Variants in CNTN5 observed in about 807,000 individuals in gnomAD.
CNTN5 encodes contactin-5.
Under a neutral mutation model 129.1 loss-of-function variants are expected in CNTN5, and 77 were observed. The ratio of observed to expected loss-of-function variants is 0.60; its 90% CI spans 0.50 to 0.72. The LOEUF is 0.72. CNTN5 is among the 30% of genes least tolerant of loss of function. The pLI, the probability that CNTN5 is intolerant of heterozygous loss-of-function variation, is 0.00. For missense variants in CNTN5, 1,478 were observed against 1,328.8 expected, an observed-to-expected ratio of 1.11 and a Z score of -1.75; for synonymous variants, 509 against 465.6, an observed-to-expected ratio of 1.09 and a Z score of -1.20.
intron 1 of CNTN5, among the ~76,000 whole-genome samples, chr11:99,146,836 C>T (rs1437990807): frequency 6.6e-6 from 1 of 152,016 alleles, no homozygotes; most frequent in East Asian, 1.9e-4. Context: ...ATCCTCCCAC[C>T]TCAGCCTCCC....
At chr11:99,120,342 A>G (rs1223961373) in intron 1 of CNTN5, 1 of 152,172 alleles carries the variant, frequency 6.6e-6, no homozygotes, top group Non-Finnish European at 1.5e-5. Flanking sequence ...GAGAACAGCC[A>G]TCCTTGATAG....
chr11:99,358,376 G>A (rs1247927419), intron 2 of CNTN5, among the ~76,000 whole-genome samples: 6 of 130,482 alleles, frequency 4.6e-5, no homozygotes, highest in Non-Finnish European at 8.2e-5. Flanking sequence ...TAGCAGCCGG[G>A]CGCGGTGGCC....
intron 1 of CNTN5, among the ~76,000 whole-genome samples, chr11:99,272,305 T>TC (rs1328635131): frequency 6.6e-6 from 1 of 151,794 alleles, no homozygotes; most frequent in African/African-American, 2.4e-5. Context: ...AGTCTTTTTT[T>TC]TTTTTAACTG....
chr11:99,880,841 C>T (rs560729420), intron 6 of CNTN5, among the ~76,000 whole-genome samples: 6 of 152,076 alleles, frequency 3.9e-5, no homozygotes, highest in Non-Finnish European at 7.4e-5. Flanking sequence ...TAAAAACTCA[C>T]CTCTACCACT....
intron 13 of CNTN5, among the ~76,000 whole-genome samples, chr11:100,100,326 T>C (rs1030226786): frequency 1.3e-5 from 2 of 152,110 alleles, no homozygotes; most frequent in African/African-American, 4.8e-5. Flanking sequence ...CTCAGTGCAC[T>C]TCATGATTCA....
chr11:99,932,703 G>A (rs1424271518), intron 7 of CNTN5, among the ~76,000 whole-genome samples: 1 of 152,028 alleles, frequency 6.6e-6, no homozygotes, highest in Admixed American at 6.6e-5. Context: ...TATATGTAAA[G>A]TATTTTACCC....
intron 23 of CNTN5, among the ~76,000 whole-genome samples, chr11:100,342,008 T>C (rs957252671): frequency 1.3e-5 from 2 of 151,996 alleles, no homozygotes; most frequent in African/African-American, 4.8e-5. Context: ...CTATCAGAGA[T>C]GGTAACACAG....
intron 3 of CNTN5, among the ~76,000 whole-genome samples, chr11:99,656,024 AGGTATGTG>A (rs1565395177): frequency 3.3e-5 from 5 of 150,650 alleles, no homozygotes; most frequent in Non-Finnish European, 7.4e-5. Flanking sequence ...CTCTGAATAC[AGGTATGTG>A]TGTATGTGTG....
intron 3 of CNTN5, among the ~76,000 whole-genome samples, chr11:99,558,805 C>T (rs1357755849): frequency 1.3e-5 from 2 of 152,008 alleles, no homozygotes; most frequent in East Asian, 3.8e-4. Context: ...AAGTTGAAAA[C>T]AAAGGTCATG....
intron 3 of CNTN5, among the ~76,000 whole-genome samples, chr11:99,660,377 G>C (rs1952551656): frequency 6.6e-6 from 1 of 152,112 alleles, no homozygotes; most frequent in Non-Finnish European, 1.5e-5. Flanking sequence ...GAAAGTTTTA[G>C]GGTTGATGAA....
chr11:99,380,179 C>A (rs1423803223), intron 2 of CNTN5, among the ~76,000 whole-genome samples: 3 of 151,610 alleles, frequency 2.0e-5, no homozygotes, highest in Admixed American at 6.6e-5. Context: ...GGCCAAGTAA[C>A]CATTTGAAGA....
chr11:99,607,399 A>G (rs1950455889), intron 3 of CNTN5, among the ~76,000 whole-genome samples: 1 of 148,346 alleles, frequency 6.7e-6, no homozygotes, highest in South Asian at 2.2e-4. Context: ...CCACTGTGAG[A>G]TATCATCTCA....
At chr11:99,249,735 C>T (rs1312028191) in intron 1 of CNTN5, among the ~76,000 whole-genome samples, 4 of 151,710 alleles carry the variant, frequency 2.6e-5, no homozygotes, top group Admixed American at 2.0e-4. Context: ...GAGATTTAAA[C>T]CTCAGTGGAA....
intron 3 of CNTN5, among the ~76,000 whole-genome samples, chr11:99,654,919 C>G (rs1481346874): frequency 6.6e-6 from 1 of 151,862 alleles, no homozygotes; most frequent in Non-Finnish European, 1.5e-5. Context: ...TCTTAGTGTC[C>G]CTGAATGAGG....
At chr11:99,081,075 T>C (rs1346584631) in intron 1 of CNTN5, among the ~76,000 whole-genome samples, 2 of 150,322 alleles carry the variant, frequency 1.3e-5, no homozygotes, top group Middle Eastern at 3.5e-3. Context: ...TCCAAATGCA[T>C]ATGCAGCCCC....
intron 21 of CNTN5, among the ~76,000 whole-genome samples, chr11:100,329,418 A>C (rs776788080): frequency 4.7e-4 from 72 of 152,320 alleles, no homozygotes; most frequent in South Asian, 1.7e-3. Context: ...GAGAAACCTG[A>C]ATACTTAAAC....
intron 3 of CNTN5, among the ~76,000 whole-genome samples, chr11:99,772,505 T>C (rs1456584945): frequency 6.6e-6 from 1 of 152,064 alleles, no homozygotes; most frequent in Non-Finnish European, 1.5e-5. Context: ...TTGATTCACT[T>C]GATGTGGCTG....
At chr11:99,968,903 T>C (rs1453612206) in intron 8 of CNTN5, among the ~76,000 whole-genome samples, 4 of 151,950 alleles carry the variant, frequency 2.6e-5, no homozygotes, top group Admixed American at 1.3e-4. Context: ...TGCAGGAATA[T>C]AGAAAATTTG....
intron 2 of CNTN5, among the ~76,000 whole-genome samples, chr11:99,367,997 G>A (rs1163997268): frequency 2.6e-5 from 4 of 152,046 alleles, no homozygotes; most frequent in Non-Finnish European, 5.9e-5. Context: ...TTAAATTAAA[G>A]CTAATGATAT....
Sources: gnomAD v4.1 joint callset for allele counts (sites outside exome capture counted in the v4.1 genomes callset) on GRCh38, gnomAD v4.1.1 for gene constraint, MANE v1.5 for transcripts, NCBI Gene and HGNC (gene_info 2026-07-23, HGNC 2026-07-21) for gene names.